ST8SIA5: variants seen among roughly 807,000 people sequenced by gnomAD.
ST8SIA5 encodes alpha-2,8-sialyltransferase 8E.
Under a neutral mutation model 40.2 loss-of-function variants are expected in ST8SIA5, and 24 were observed. The observed-to-expected ratio is 0.60, with a 90% confidence interval of 0.43 to 0.84. The LOEUF (loss-of-function observed/expected upper bound fraction) is 0.84, where lower values mean the gene tolerates loss of function less well. Ranked by LOEUF, ST8SIA5 falls within the 40% of genes least tolerant of loss-of-function variation. The probability of loss-of-function intolerance (pLI) is 0.00; values close to 1 mark genes in which losing one functional copy is unlikely to be tolerated. For synonymous variants in ST8SIA5, 198 were observed against 201.8 expected (o/e 0.98, Z 0.16); for missense variants, 465 against 498.5 (o/e 0.93, Z 0.64).
Position 46,692,149 on chromosome 18 carries a change from G to A in ST8SIA5, c.311+20C>T, listed in dbSNP as rs767686646. 6.2e-7 allele frequency: 1 copy of A among 1,613,054 alleles called. No individual in the cohort carries two copies. On this transcript the variant is annotated intron_variant, in intron 3 of 6. Transcript: ENST00000315087. ...GGAGAATCATACAAGGAGAAGGGAG[G>A]ACAGACGAATCATAGATACTTGAAC...
At chr18:46,698,491 C>G (rs1568256826) in intron 2 of ST8SIA5, among the ~76,000 whole-genome samples, 1 of 151,992 alleles carries the variant, frequency 6.6e-6, no homozygotes, top group Admixed American at 6.6e-5. Flanking sequence ...CAAACAGCAA[C>G]CCAACAACCC....
chr18:46,719,167 A>C (rs1420504422), intron 1 of ST8SIA5, among the ~76,000 whole-genome samples: 1 of 152,186 alleles, frequency 6.6e-6, no homozygotes, highest in Non-Finnish European at 1.5e-5. Flanking sequence ...TCTTGCTCAA[A>C]TGGGAGCGCT....
Position 46,748,234 on chromosome 18 carries a change from A to T in ST8SIA5, c.131+8144T>A, listed in dbSNP as rs115030119. Reference sequence around the variant, plus strand: ...TCAAAAGTATAATTCATAAATAAATAAATTAATTAATTTAAAAAAATAGGC... The same window carrying T: ...TCAAAAGTATAATTCATAAATAAATTAATTAATTAATTTAAAAAAATAGGC... On this transcript the variant is annotated intron_variant, in intron 1 of 6. Transcript: ENST00000315087. Among the ~76,000 whole-genome samples the T allele has an allele frequency of 4.4e-3, 604 of 137,374 alleles. 6 individuals are homozygous for T. Among genetic ancestry groups the T allele is most frequent in the African/African-American group, 0.016 (570 of 36,468 alleles). The allele number at this position is 137,374 out of a possible 152,430, so 90.1% of individuals were successfully genotyped here.
In ST8SIA5 at chr18:46,679,965, G is replaced by A. The variant is rs759748191; in HGVS notation, c.*77C>T. 8.4e-6 allele frequency: 12 copies of A among 1,430,552 alleles called. No homozygotes were observed. The highest frequency in any genetic ancestry group is 2.8e-5 in the African/African-American group (2 of 70,664). The allele number at this position is 1,430,552 out of a possible 1,614,324, so 88.6% of individuals were successfully genotyped here. A position where few individuals can be genotyped will look rare whatever the true frequency, so the allele number is the denominator to read the frequency against. On this transcript the variant is annotated 3_prime_UTR_variant, in exon 7 of 7. Coordinates refer to ENST00000315087, the MANE Select transcript of ST8SIA5 (RefSeq NM_013305.6). ...GAACGCCAGGACCCCACGCTGCCCGGTTCGGGGCTCCCAGTTCCACCAGGA... is the reference window on the plus strand; with the variant it reads ...GAACGCCAGGACCCCACGCTGCCCGATTCGGGGCTCCCAGTTCCACCAGGA...
intron 1 of ST8SIA5, among the ~76,000 whole-genome samples, chr18:46,715,314 GT>G (rs2039776493): frequency 6.6e-6 from 1 of 152,214 alleles, no homozygotes; most frequent in Non-Finnish European, 1.5e-5. Flanking sequence ...GACTGCAGGG[GT>G]CGCACTGCCC....
intron 1 of ST8SIA5, among the ~76,000 whole-genome samples, chr18:46,743,589 T>C (rs1426186671): frequency 2.0e-5 from 3 of 152,148 alleles, no homozygotes; most frequent in Admixed American, 6.5e-5. Flanking sequence ...CTACATTCGA[T>C]TGGTGTACCT....
In ST8SIA5 at chr18:46,756,895, C is replaced by T. The variant is rs16940043; in HGVS notation, c.-387G>A. On this transcript the variant is annotated 5_prime_UTR_variant, in exon 1 of 7. Coordinates refer to ENST00000315087, the MANE Select transcript of ST8SIA5 (RefSeq NM_013305.6). ...CGGCCAATGGGGAGCAAGACCCGGG[C>T]TCCGTCCCCTGTGCGCCCCAGCGCG... 0.23 allele frequency: 48,320 copies of T among 212,000 alleles called. 6,294 individuals are homozygous for T. The highest frequency in any genetic ancestry group is 0.38 in the African/African-American group (16,044 of 42,264). 13.1% of individuals were successfully genotyped at this position (212,000 alleles called of 1,614,324 possible).
intron 1 of ST8SIA5, among the ~76,000 whole-genome samples, chr18:46,707,500 TC>T (rs1362767510): frequency 5.3e-5 from 8 of 152,130 alleles, no homozygotes; most frequent in Non-Finnish European, 1.2e-4. Flanking sequence ...GGTTCCTCTT[TC>T]TCCTGCATCC....
intron 2 of ST8SIA5, among the ~76,000 whole-genome samples, chr18:46,701,212 C>A (rs1424550103): frequency 7.6e-6 from 1 of 131,738 alleles, no homozygotes; most frequent in Admixed American, 8.6e-5. Flanking sequence ...ACAATCTGGG[C>A]TCACTGCAAC....
intron 1 of ST8SIA5, among the ~76,000 whole-genome samples, chr18:46,751,855 G>T (rs961964039): frequency 2.6e-5 from 4 of 152,110 alleles, no homozygotes; most frequent in African/African-American, 7.2e-5. Flanking sequence ...AATCATAAAA[G>T]TTTGAAAAAC....
At chr18:46,700,727 T>A (rs1390706942) in intron 2 of ST8SIA5, among the ~76,000 whole-genome samples, 1 of 152,152 alleles carries the variant, frequency 6.6e-6, no homozygotes. Context: ...CTGCTCACCC[T>A]AGGAGCCCAG....
intron 6 of ST8SIA5, 143 bp downstream of exon 6, chr18:46,681,829 T>A (rs923084386): frequency 2.8e-6 from 2 of 705,318 alleles, no homozygotes; most frequent in Admixed American, 5.8e-5. Context: ...CCTGTTTTTG[T>A]ATTAAGTCTT....
At chr18:46,725,962 A>AAT (rs2039914641) in intron 1 of ST8SIA5, among the ~76,000 whole-genome samples, 1 of 41,420 alleles carries the variant, frequency 2.4e-5, no homozygotes, top group Non-Finnish European at 3.8e-5. Context: ...CTCTACTTAA[A>AAT]AAAAAAAAAA....
intron 6 of ST8SIA5, among the ~76,000 whole-genome samples, chr18:46,680,937 C>G (rs1205154599): frequency 2.0e-5 from 3 of 152,164 alleles, no homozygotes; most frequent in African/African-American, 7.2e-5. Flanking sequence ...TCAGACGCTT[C>G]CTCTCCTGCA....
At position 46,680,387 on chromosome 18, in the gene ST8SIA5, C is replaced by A. The variant is rs758956500; in HGVS notation, c.786G>T (p.Lys262Asn). 9 of 1,613,996 alleles carry A rather than the reference C, an allele frequency of 5.6e-6. No homozygotes were observed. Among genetic ancestry groups the A allele is most frequent in the Middle Eastern group, 1.6e-4 (1 of 6,062 alleles). ...GCGATTCGAAGTCGTCCAGCACGTA[C>A]TTGACGCGGATGGACACGTCGGTGT... Reference protein sequence around the residue: ...TRNTDVSIRVKYVLDDFESPQ... With the variant: ...TRNTDVSIRVNYVLDDFESPQ... Residue 262 changes from lysine (K) to asparagine (N), a missense_variant, in exon 7 of 7, where the codon AAG becomes AAT. Lys to Asn is a moderately conservative substitution (Grantham distance 94). Transcript: ENST00000315087.
In ST8SIA5 at chr18:46,677,204, C is replaced by A. The variant is rs143565956; in HGVS notation, c.*2838G>T. The A allele has an allele frequency of 4.3e-4, 65 of 152,292 alleles. 1 individual carries two copies. Among genetic ancestry groups the A allele is most frequent in the African/African-American group, 1.5e-3 (62 of 41,550 alleles). The allele number at this position is 152,292 out of a possible 1,614,324, so 9.4% of individuals were successfully genotyped here. A position where few individuals can be genotyped will look rare whatever the true frequency, so the allele number is the denominator to read the frequency against. ...GCCCCGTACTATCCTGCAGGGGCATCTTGGTCAGGATCCCTCATGTTCTGG... is the reference window on the plus strand; with the variant it reads ...GCCCCGTACTATCCTGCAGGGGCATATTGGTCAGGATCCCTCATGTTCTGG... On this transcript the variant is annotated 3_prime_UTR_variant, in exon 7 of 7. Coordinates refer to ENST00000315087, the MANE Select transcript of ST8SIA5 (RefSeq NM_013305.6).
At chr18:46,735,270 A>G (rs1280141778) in intron 1 of ST8SIA5, among the ~76,000 whole-genome samples, 1 of 152,186 alleles carries the variant, frequency 6.6e-6, no homozygotes, top group East Asian at 1.9e-4. Flanking sequence ...CAGCTTGTAG[A>G]TGGCCTATTG....
At chr18:46,752,148 C>T (rs2040201650) in intron 1 of ST8SIA5, among the ~76,000 whole-genome samples, 1 of 152,182 alleles carries the variant, frequency 6.6e-6, no homozygotes, top group Admixed American at 6.5e-5. Context: ...GTTTCATCCC[C>T]CTTCCTTTCA....
In ST8SIA5 at chr18:46,668,014, A is replaced by G. The variant is rs2039285268; in HGVS notation, c.*12028T>C. On this transcript the variant is annotated 3_prime_UTR_variant, in exon 7 of 7. Transcript: ENST00000315087. ...TTGTATAAACCACTGCTCCCAGAAC[A>G]AAATTTGCATAAAAATAAGATCAGG... 6.6e-6 allele frequency: 1 copy of G among 152,256 alleles called. No individual in the cohort carries two copies. Among genetic ancestry groups the G allele is most frequent in the South Asian group, 2.1e-4 (1 of 4,830 alleles). 9.4% of individuals were successfully genotyped at this position (152,256 alleles called of 1,614,324 possible).
Sources: gnomAD v4.1 joint callset for allele counts (sites outside exome capture counted in the v4.1 genomes callset) on GRCh38, gnomAD v4.1.1 for gene constraint, MANE v1.5 for transcripts, NCBI Gene and HGNC (gene_info 2026-07-23, HGNC 2026-07-21) for gene names.